JAKMIP3: variants seen among roughly 807,000 people sequenced by gnomAD.
JAKMIP3 encodes Janus kinase and microtubule interacting protein 3.
Under a neutral mutation model 118.5 loss-of-function variants are expected in JAKMIP3, and 58 were observed. The observed-to-expected ratio is 0.49, with a 90% confidence interval of 0.40 to 0.61. The LOEUF (loss-of-function observed/expected upper bound fraction) is 0.61, where lower values mean the gene tolerates loss of function less well. Ranked by LOEUF, JAKMIP3 falls within the 20% of genes least tolerant of loss-of-function variation. The pLI, the probability that JAKMIP3 is intolerant of heterozygous loss-of-function variation, is 0.00. For missense variants in JAKMIP3, 950 were observed against 1,109.0 expected (o/e 0.86, Z 2.04); for synonymous variants, 486 against 451.2 (o/e 1.08, Z -0.98).
chr10:132,145,225 A>G, intron 12 of JAKMIP3, 35 bp downstream of exon 12: 1 of 1,522,670 alleles, frequency 6.6e-7, no homozygotes. Context: ...GCGTGGGGGC[A>G]CACGTGGGTG....
rs774769095 is a variant in JAKMIP3 at position 132,149,467 on chromosome 10, G to C, written c.1904G>C (p.Gly635Ala). 1.2e-6 allele frequency: 2 copies of C among 1,605,710 alleles called. No individual in the cohort carries two copies. The highest frequency in any genetic ancestry group is 1.7e-6 in the Non-Finnish European group (2 of 1,177,284). Residue 635 changes from glycine to alanine, a missense_variant, in exon 15 of 24, where the codon GGG (glycine) becomes GCG (alanine). Coordinates refer to ENST00000684848, the MANE Select transcript of JAKMIP3 (RefSeq NM_001323087.2). ...ISFHHTPFVD[G>A]KSPLQVYCEA... is the part of the protein sequence containing the mutation. ...TTCCACCACACGCCCTTCGTGGACG[G>C]GAAGAGCCCCCTCCAGGTGTACTGC...
At chr10:132,120,481 A>G (rs1319562763) in intron 3 of JAKMIP3, among the ~76,000 whole-genome samples, 3 of 152,240 alleles carry the variant, frequency 2.0e-5, no homozygotes, top group African/African-American at 7.2e-5. Flanking sequence ...AGCTCCCATC[A>G]GTTCACCCTC....
In JAKMIP3 at chr10:132,157,078, G is replaced by T. The variant is rs536877802; in HGVS notation, c.2220+3088G>T. Among the ~76,000 whole-genome samples the T allele has an allele frequency of 2.0e-5, 3 of 152,228 alleles. No individual in the cohort carries two copies. In the South Asian group the frequency reaches 6.2e-4, roughly 32 times the overall value. ...CGGTCCCCATGCTTATCTGAGGCTT[G>T]TTCTCCGAGAGATGGTCATCATGCC... On this transcript the variant is annotated intron_variant, in intron 19 of 23. Coordinates refer to ENST00000684848, the MANE Select transcript of JAKMIP3 (RefSeq NM_001323087.2).
intron 1 of JAKMIP3, among the ~76,000 whole-genome samples, chr10:132,071,807 C>CTTTT: frequency 7.0e-6 from 1 of 142,376 alleles, no homozygotes; most frequent in African/African-American, 2.7e-5. Flanking sequence ...TTCCTTCTTT[C>CTTTT]CTTTCCTTTC....
upstream of JAKMIP3, among the ~76,000 whole-genome samples, chr10:132,060,479 G>T (rs558867818): frequency 6.6e-6 from 1 of 152,166 alleles, no homozygotes; most frequent in African/African-American, 2.4e-5. Context: ...TCGGAATACA[G>T]ATGAAGGCTT....
At position 132,140,599 on chromosome 10, in the gene JAKMIP3, G is replaced by A. The variant is rs754828519; in HGVS notation, c.1473+20G>A. 1.1e-5 allele frequency: 15 copies of A among 1,388,828 alleles called. No individual in the cohort carries two copies. Among genetic ancestry groups the A allele is most frequent in the Middle Eastern group, 2.3e-4 (1 of 4,428 alleles). The allele number at this position is 1,388,828 out of a possible 1,614,324, so 86.0% of individuals were successfully genotyped here. On this transcript the variant is annotated intron_variant, in intron 10 of 23. Transcript: ENST00000684848. Reference sequence around the variant, plus strand: ...GAGGAGGTAACGAGGGTCTCCTGCCGGGTCCTGGGCTTGGAGGAGGTAACG... The same window carrying A: ...GAGGAGGTAACGAGGGTCTCCTGCCAGGTCCTGGGCTTGGAGGAGGTAACG...
intron 1 of JAKMIP3, among the ~76,000 whole-genome samples, chr10:132,037,831 C>G (rs1177681446): frequency 6.6e-6 from 1 of 152,052 alleles, no homozygotes; most frequent in Non-Finnish European, 1.5e-5. Context: ...GGCCGCAGCG[C>G]AGGCTTCCCC....
chr10:132,078,616 G>T (rs2041216595), intron 1 of JAKMIP3, among the ~76,000 whole-genome samples: 1 of 66,730 alleles, frequency 1.5e-5, no homozygotes, highest in African/African-American at 1.1e-4. Flanking sequence ...CCTTCTCTGG[G>T]GGCGGGGGGG....
At chr10:132,098,480 A>T (rs2044328531) in intron 1 of JAKMIP3, among the ~76,000 whole-genome samples, 1 of 152,214 alleles carries the variant, frequency 6.6e-6, no homozygotes, top group African/African-American at 2.4e-5. Flanking sequence ...TGCTTTTCAG[A>T]AAGTCACTCA....
intron 1 of JAKMIP3, among the ~76,000 whole-genome samples, chr10:132,088,340 C>T (rs1189352477): frequency 2.0e-5 from 3 of 152,186 alleles, no homozygotes; most frequent in African/African-American, 7.2e-5. Context: ...TAAAACTGTT[C>T]CTATTTCTCC....
intron 2 of JAKMIP3, among the ~76,000 whole-genome samples, chr10:132,115,044 G>A (rs1191262163): frequency 1.3e-5 from 2 of 152,184 alleles, no homozygotes; most frequent in Non-Finnish European, 2.9e-5. Context: ...GCTGTGATCG[G>A]GCGAGGGTGA....
At chr10:132,062,808 G>T (rs1246200600), upstream of JAKMIP3, among the ~76,000 whole-genome samples, 1 of 152,252 alleles carries the variant, frequency 6.6e-6, no homozygotes, top group Admixed American at 6.5e-5. Flanking sequence ...GCCTTTGCAT[G>T]ACGGGAGCTG....
intron 1 of JAKMIP3, among the ~76,000 whole-genome samples, chr10:132,100,225 G>C (rs750393304): frequency 2.3e-5 from 3 of 132,894 alleles, no homozygotes; most frequent in Non-Finnish European, 5.2e-5. Context: ...CTCCCACCCC[G>C]TTGGAGAACT....
intron 23 of JAKMIP3, among the ~76,000 whole-genome samples, chr10:132,175,281 A>C (rs73399725): frequency 6.6e-6 from 1 of 152,204 alleles, no homozygotes; most frequent in Non-Finnish European, 1.5e-5. Context: ...TAACTTTTGC[A>C]TATGGGGCTC....
At chr10:132,142,989 C>T (rs2053852135) in intron 11 of JAKMIP3, among the ~76,000 whole-genome samples, 1 of 152,128 alleles carries the variant, frequency 6.6e-6, no homozygotes, top group Admixed American at 6.5e-5. Flanking sequence ...ACGCTAGTGC[C>T]CCAGGGAGCC....
chr10:132,051,361 T>TG (rs963431590), intron 1 of JAKMIP3, among the ~76,000 whole-genome samples: 1 of 141,098 alleles, frequency 7.1e-6, no homozygotes, highest in African/African-American at 2.7e-5. Flanking sequence ...CTGTTCTGGT[T>TG]GGGGGGTACC....
intron 3 of JAKMIP3, among the ~76,000 whole-genome samples, chr10:132,130,210 A>G (rs936217033): frequency 6.6e-6 from 1 of 152,150 alleles, no homozygotes; most frequent in African/African-American, 2.4e-5. Context: ...CTCACAGGGA[A>G]TAATAGGACC....
At position 132,080,006 on chromosome 10, in the gene JAKMIP3, C is replaced by T. The variant is rs185678896; in HGVS notation, c.-138+13945C>T. On this transcript the variant is annotated intron_variant, in intron 1 of 23. Coordinates refer to ENST00000684848, the MANE Select transcript of JAKMIP3 (RefSeq NM_001323087.2). Reference sequence around the variant, plus strand: ...GTGGACAAATGTGTCTTCCAGACCCCGCTTTCAATTCTGTTTTTAATATTT... The same window carrying T: ...GTGGACAAATGTGTCTTCCAGACCCTGCTTTCAATTCTGTTTTTAATATTT... Among the ~76,000 whole-genome samples, 162 of 152,282 alleles carry T rather than the reference C, an allele frequency of 1.1e-3. 1 individual carries two copies. The highest frequency in any genetic ancestry group is 3.7e-3 in the African/African-American group (153 of 41,542).
At chr10:132,159,648 C>G (rs112143849) in intron 19 of JAKMIP3, among the ~76,000 whole-genome samples, 2 of 70,698 alleles carry the variant, frequency 2.8e-5, no homozygotes, top group African/African-American at 5.3e-5. Context: ...GCTGGGGGGC[C>G]TCTCCCTGTG....
Sources: allele counts gnomAD v4.1 joint callset (sites outside exome capture counted in the v4.1 genomes callset), GRCh38; gene constraint gnomAD v4.1.1; transcripts MANE v1.5; gene names NCBI Gene and HGNC (gene_info 2026-07-23, HGNC 2026-07-21).